The following KDM7A variants were observed in gnomAD, a reference collection of about 807,000 sequenced individuals.
The protein encoded by KDM7A is lysine-specific demethylase 7A.
A neutral mutation model predicts 114.8 loss-of-function variants in KDM7A; 28 were observed. The observed-to-expected ratio is 0.24, with a 90% CI of 0.18 to 0.33. The LOEUF (loss-of-function observed/expected upper bound fraction) is 0.33, where lower values mean the gene tolerates loss of function less well. KDM7A is among the 10% of genes least tolerant of loss of function. The pLI is 1.00. For missense variants in KDM7A, 942 were observed against 1,142.5 expected (o/e 0.82, Z 2.53); for synonymous variants, 423 against 397.8 (o/e 1.06, Z -0.75).
intron 9 of KDM7A, among the ~76,000 whole-genome samples, chr7:140,117,255 T>C (rs964413179): frequency 1.3e-5 from 2 of 152,248 alleles, no homozygotes; most frequent in Non-Finnish European, 2.9e-5. Flanking sequence ...GGTCATACTT[T>C]CAATCAGACC....
chr7:140,132,293 T>A (rs1818800764), intron 3 of KDM7A, among the ~76,000 whole-genome samples: 1 of 152,194 alleles, frequency 6.6e-6, no homozygotes, highest in Non-Finnish European at 1.5e-5. Context: ...TGTGATCATC[T>A]CTATAACCCG....
chr7:140,102,287 G>A, intron 11 of KDM7A, 127 bp from the exon 12 acceptor site: 1 of 685,986 alleles, frequency 1.5e-6, no homozygotes, highest in Non-Finnish European at 2.5e-6. Flanking sequence ...ACACAAAAAA[G>A]ACTAAATCCT....
intron 1 of KDM7A, among the ~76,000 whole-genome samples, chr7:140,150,771 AGCCCCACCTTT>A (rs1198774708): frequency 1.3e-5 from 2 of 151,628 alleles, no homozygotes; most frequent in Non-Finnish European, 2.9e-5. Context: ...CACATTCCTG[AGCCCCACCTTT>A]GCTCTACAGG....
chr7:140,127,509 T>G lies in KDM7A; in HGVS notation c.634A>C (p.Lys212Gln). 1 of 1,613,594 alleles carries G rather than the reference T, an allele frequency of 6.2e-7. No individual in the cohort carries two copies. The highest frequency in any genetic ancestry group is 8.5e-7 in the Non-Finnish European group (1 of 1,179,540). ...DSKMTLHNYVKYFMNPNRPKV... is the reference protein window; with the variant it reads ...DSKMTLHNYVQYFMNPNRPKV... ...GGTCTGTTAGGATTCATGAAGTATT[T>G]AACATAATTGTGAAGTGTCATTTTG... Residue 212 changes from lysine (K) to glutamine (Q), a missense_variant, in exon 5 of 20, where the codon AAA becomes CAA. Transcript: ENST00000397560.
intron 1 of KDM7A, among the ~76,000 whole-genome samples, chr7:140,168,680 G>A (rs981086570): frequency 5.3e-5 from 8 of 151,972 alleles, no homozygotes; most frequent in African/African-American, 1.9e-4. Context: ...ATTGACCTAA[G>A]TAACTTTGGA....
At chr7:140,154,499 TAA>T (rs397974321) in intron 1 of KDM7A, among the ~76,000 whole-genome samples, 35 of 74,262 alleles carry the variant, frequency 4.7e-4, no homozygotes, top group Non-Finnish European at 5.4e-4. Context: ...CTCTTAAAAT[TAA>T]AAAAAAAAAA....
intron 2 of KDM7A, 50 bp downstream of exon 2, chr7:140,139,055 A>C (rs1479640331): frequency 2.5e-6 from 3 of 1,189,076 alleles, no homozygotes; most frequent in Non-Finnish European, 3.8e-6. Flanking sequence ...TAAGTTTGAA[A>C]TGTCAGTTTT....
At position 140,141,843 on chromosome 7, in the gene KDM7A, G is replaced by A. The variant is rs188625118; in HGVS notation, c.195-2653C>T. On this transcript the variant is annotated intron_variant, in intron 1 of 19. Transcript: ENST00000397560. ...CAGGACGTGGAGGTTGCAGTGAACC[G>A]AAATCACACCATTGCACTCCAGCCT... Among the ~76,000 whole-genome samples, 733 of 151,052 alleles carry A rather than the reference G, an allele frequency of 4.9e-3. 3 individuals are homozygous for A. The highest frequency in any genetic ancestry group is 8.3e-3 in the Admixed American group (126 of 15,138).
Position 140,085,875 on chromosome 7 carries a change from T to C in KDM7A, c.*5219A>G, listed in dbSNP as rs139213081. On this transcript the variant is annotated 3_prime_UTR_variant, in exon 20 of 20. Coordinates refer to ENST00000397560, the MANE Select transcript of KDM7A (RefSeq NM_030647.2). Reference sequence around the variant, plus strand: ...TAGTTCTAGGTAAGGAATTAACTCCTCATTATATTTTACATTTAATGCTGG... The same window carrying C: ...TAGTTCTAGGTAAGGAATTAACTCCCCATTATATTTTACATTTAATGCTGG... 30 of 152,366 alleles carry C rather than the reference T, an allele frequency of 2.0e-4. No individual in the cohort carries two copies. The highest frequency in any genetic ancestry group is 7.2e-4 in the African/African-American group (30 of 41,586). The allele number at this position is 152,366 out of a possible 1,614,324, so 9.4% of individuals were successfully genotyped here.
In KDM7A at chr7:140,131,096, C is replaced by T. The variant is rs185806963; in HGVS notation, c.399-1443G>A. Among the ~76,000 whole-genome samples, 580 of 151,876 alleles carry T rather than the reference C, an allele frequency of 3.8e-3. 2 individuals carry two copies. The highest frequency in any genetic ancestry group is 0.01 in the Middle Eastern group (3 of 294). On this transcript the variant is annotated intron_variant, in intron 3 of 19. Coordinates refer to ENST00000397560, the MANE Select transcript of KDM7A (RefSeq NM_030647.2). ...GTTAGCCAGGATGGTCTTGATCTCC[C>T]GAGCTCATGATCCACCCACCTCGGC...
At chr7:140,164,377 G>A (rs1487051884) in intron 1 of KDM7A, among the ~76,000 whole-genome samples, 2 of 152,162 alleles carry the variant, frequency 1.3e-5, no homozygotes, top group African/African-American at 4.8e-5. Flanking sequence ...GCTAACCAGT[G>A]CAGAATGTTT....
chr7:140,092,253 A>C, intron 18 of KDM7A, 176 bp from the exon 19 acceptor site: 1 of 623,742 alleles, frequency 1.6e-6, no homozygotes, highest in South Asian at 2.0e-5. Context: ...AGTAGCTCTG[A>C]AGGACTCGGG....
At position 140,095,970 on chromosome 7, in the gene KDM7A, CAT is replaced by C. The variant is rs548542277; in HGVS notation, c.2374+583_2374+584del. ...CAATTGATAATTATGTAGGATCAAA[CAT>C]ATTTATTATATAGGCATTCAATTTT... On this transcript the variant is annotated intron_variant, in intron 17 of 19. Coordinates refer to ENST00000397560, the MANE Select transcript of KDM7A (RefSeq NM_030647.2). Among the ~76,000 whole-genome samples the C allele has an allele frequency of 8.2e-4, 125 of 152,204 alleles. 1 individual carries two copies. In the South Asian group the frequency reaches 0.025, roughly 30 times the overall value.
chr7:140,144,627 G>C (rs1004818750), intron 1 of KDM7A, among the ~76,000 whole-genome samples: 4 of 151,982 alleles, frequency 2.6e-5, no homozygotes, highest in Admixed American at 1.3e-4. Context: ...TCTGTAGAAC[G>C]AAAGACTAAG....
chr7:140,145,777 G>GT lies in KDM7A; in HGVS notation c.195-6588dup, dbSNP rs539808293. Among the ~76,000 whole-genome samples, 140 of 152,206 alleles carry GT rather than the reference G, an allele frequency of 9.2e-4. 1 individual carries two copies. In the East Asian group the frequency reaches 0.014, roughly 16 times the overall value. ...TGGCCACATTCCTCACTCCTAAGAA[G>GT]TGACTGTGACACCAAAAGAATTAGA... On this transcript the variant is annotated intron_variant, in intron 1 of 19. Transcript: ENST00000397560.
rs765515773 is a variant in KDM7A, at chr7:140,096,579, G to A, written c.2350C>T (p.Arg784Cys). Residue 784 changes from arginine (R) to cysteine (C), a missense_variant, in exon 17 of 20, where the codon CGC becomes TGC. Around this residue, in one of 4 missense-constraint regions of KDM7A, gnomAD observed 512 missense variants for 576.6 expected, o/e 0.89. Transcript: ENST00000397560. ...CCACATTCCACTGGTTTATCATAGC[G>A]ATACAACTGCCTAACCTCATGGTTA... ...GSNHEVRQLY[R>C]YDKPVECGYH... 2.5e-6 allele frequency: 4 copies of A among 1,613,964 alleles called. No individual in the cohort carries two copies. Among genetic ancestry groups the A allele is most frequent in the South Asian group, 1.1e-5 (1 of 91,078 alleles).
rs149722590 is a variant in KDM7A, at chr7:140,124,566, C to T, written c.1051+55G>A. 366 of 1,367,278 alleles carry T rather than the reference C, an allele frequency of 2.7e-4. 6 individuals carry two copies. In the East Asian group the frequency reaches 8.9e-3, roughly 33 times the overall value. The allele number at this position is 1,367,278 out of a possible 1,614,324, so 84.7% of individuals were successfully genotyped here. ...TAAAGCCAGAGGTTCTAGTTAAAAG[C>T]CAACTCCATGTGACTATCAATCATG... On this transcript the variant is annotated intron_variant, in intron 7 of 19. Transcript: ENST00000397560.
intron 1 of KDM7A, among the ~76,000 whole-genome samples, chr7:140,164,832 TACTC>T (rs1794556642): frequency 6.6e-6 from 1 of 152,208 alleles, no homozygotes; most frequent in African/African-American, 2.4e-5. Flanking sequence ...AGTGAATTGA[TACTC>T]ACTGAAGCAG....
chr7:140,099,009 A>T lies in KDM7A; in HGVS notation c.1788T>A (p.Asp596Glu), dbSNP rs192357855. 2.5e-6 allele frequency: 4 copies of T among 1,612,796 alleles called. No individual in the cohort carries two copies. The Admixed American group carries it at 5.0e-5, about 20-fold the overall frequency. Reference protein sequence around the residue: ...IIKDERQPFADQSLYTADSEN... With the variant: ...IIKDERQPFAEQSLYTADSEN... ...CACTATCTGCTGTATAAAGACTTTG[A>T]TCTGCAAAGGGCTGCCTTTCATCTC... The change falls in exon 14 of 20, where the codon GAT (aspartate) becomes GAA (glutamate). Residue 596 changes from aspartate to glutamate, a missense_variant. By Grantham distance (45) the Asp-to-Glu change is conservative. Around this residue, in one of 4 missense-constraint regions of KDM7A, gnomAD observed 512 missense variants for 576.6 expected, o/e 0.89. Transcript: ENST00000397560.
Sources: gnomAD v4.1 joint callset for allele counts (sites outside exome capture counted in the v4.1 genomes callset) on GRCh38, gnomAD v4.1.1 for gene constraint, gnomAD v4.1.1 regional missense constraint, MANE v1.5 for transcripts, NCBI Gene and HGNC (gene_info 2026-07-23, HGNC 2026-07-21) for gene names.